Variants in RPS2 observed in about 807,000 individuals in gnomAD.
RPS2 encodes small ribosomal subunit protein uS5.
Under a neutral mutation model 25.3 loss-of-function variants are expected in RPS2, and 8 were observed. That is an observed-to-expected ratio of 0.32 (90% CI 0.19 to 0.57). The LOEUF is 0.57. Among genes scored for constraint, RPS2 ranks in the 20% least tolerant of loss-of-function variants. The pLI is 0.90. For synonymous variants in RPS2, 181 were observed against 161.3 expected (o/e 1.12, Z -0.92); for missense variants, 229 against 408.1 (o/e 0.56, Z 3.78).
At chr16:1,962,295 G>C (rs1228842447) in intron 6 of RPS2, 25 bp from the exon 7 acceptor site, 1 of 1,608,110 alleles carries the variant, frequency 6.2e-7, no homozygotes, top group Non-Finnish European at 8.5e-7. Flanking sequence ...AACCCCAGGA[G>C]GGTCAGTGGT....
At position 1,963,276 on chromosome 16, in the gene RPS2, T is replaced by C; in HGVS notation, c.268-20A>G. ...TGATTCCTGAAACAAACAAGAAAAT[T>C]GTAGGGAGAGCATTAAAAAAAAACT... is the stretch of plus-strand genomic sequence containing the variant. On this transcript the variant is annotated intron_variant, in intron 3 of 6. Coordinates refer to ENST00000343262, the MANE Select transcript of RPS2 (RefSeq NM_002952.4). The C allele has an allele frequency of 7.0e-7, 1 of 1,436,056 alleles. No homozygotes were observed. The highest frequency in any genetic ancestry group is 9.5e-7 in the Non-Finnish European group (1 of 1,055,594). 89.0% of individuals were successfully genotyped at this position (1,436,056 alleles called of 1,614,324 possible). A position where few individuals can be genotyped will look rare whatever the true frequency, so the allele number is the denominator to read the frequency against.
At chr16:1,962,382 G>C (rs557682002) in intron 6 of RPS2, 112 bp from the exon 7 acceptor site, 4 of 1,378,602 alleles carry the variant, frequency 2.9e-6, no homozygotes, top group Admixed American at 1.7e-5. Flanking sequence ...CGGGTCTGTC[G>C]TGCATTAGGA....
chr16:1,963,109 C>G (rs369673767), intron 4 of RPS2, 40 bp downstream of exon 4: 2 of 1,513,978 alleles, frequency 1.3e-6, no homozygotes, highest in Non-Finnish European at 9.2e-7. Flanking sequence ...GAGAGAGTCC[C>G]GGCAAGCCCA....
At chr16:1,963,298 AACTT>A in intron 3 of RPS2, 42 bp from the exon 4 acceptor site, 1 of 1,322,634 alleles carries the variant, frequency 7.6e-7, no homozygotes, top group Non-Finnish European at 1.0e-6. Context: ...ATTAAAAAAA[AACTT>A]AATACCATTA....
chr16:1,963,901 GC>G, intron 3 of RPS2: 1 of 411,898 alleles, frequency 2.4e-6, no homozygotes, highest in Non-Finnish European at 4.8e-6. Context: ...CCCGCTGGAT[GC>G]AGATGACAGC....
At position 1,963,659 on chromosome 16, in the gene RPS2, T is replaced by TC. The variant is rs146974237; in HGVS notation, c.268-404dup. 30 of 345,650 alleles carry TC rather than the reference T, an allele frequency of 8.7e-5. 1 individual carries two copies. Among genetic ancestry groups the TC allele is most frequent in the East Asian group, 2.3e-4 (3 of 12,862 alleles). The allele number at this position is 345,650 out of a possible 1,614,324, so 21.4% of individuals were successfully genotyped here. A position where few individuals can be genotyped will look rare whatever the true frequency, so the allele number is the denominator to read the frequency against. ...AAGTCATGAACCCCCTCACCTGGCT[T>TC]CCCCCCGATCTGTCCCCTTCGTTTC... On this transcript the variant is annotated intron_variant, in intron 3 of 6. Transcript: ENST00000343262.
intron 6 of RPS2, 104 bp downstream of exon 6, chr16:1,962,393 G>A (rs774301877): frequency 1.4e-6 from 2 of 1,386,940 alleles, no homozygotes; most frequent in Admixed American, 3.3e-5. Context: ...TGCATTAGGA[G>A]AGCCTTTCTC....
At chr16:1,964,420 G>T (rs575933855) in intron 2 of RPS2, 29 bp downstream of exon 2, 3 of 1,612,678 alleles carry the variant, frequency 1.9e-6, no homozygotes, top group East Asian at 2.2e-5. Flanking sequence ...CCGCCCAGGG[G>T]CCCGACCCCG....
Position 1,964,798 on chromosome 16 carries a change from A to G in RPS2, c.-4+9T>C, listed in dbSNP as rs570978665. ...GCAGAGGCCCGCTGCAGCGACCAAC[A>G]GGACTCACGTGTTTTGTCGGAAAAG... On this transcript the variant is annotated intron_variant, in intron 1 of 6. Coordinates refer to ENST00000343262, the MANE Select transcript of RPS2 (RefSeq NM_002952.4). 7.5e-3 allele frequency: 4,095 copies of G among 543,258 alleles called. 154 individuals are homozygous for G. Among genetic ancestry groups the G allele is most frequent in the African/African-American group, 0.075 (3,687 of 49,426 alleles). The allele number at this position is 543,258 out of a possible 1,614,324, so 33.7% of individuals were successfully genotyped here.
intron 3 of RPS2, chr16:1,963,954 A>G (rs2083282935): frequency 4.9e-6 from 2 of 408,798 alleles, no homozygotes; most frequent in South Asian, 2.1e-5. Flanking sequence ...TAACCCTTAC[A>G]GTGTCCTCCC....
In RPS2 at chr16:1,962,907, T is replaced by A. The variant is rs778514224; in HGVS notation, c.378A>T (p.Ala126=). ...CATTGTAGTCCCCGATAGCAACAAA[T>A]GCCTGCGAAAAGATGTGTGTGAGGC... The part of the protein sequence containing the change: ...TRAGQRTRFK[A]FVAIGDYNGH... The change falls in exon 5 of 7, where the codon GCA becomes GCT. Residue 126 remains alanine (A), a splice_region_variant and synonymous_variant. Coordinates refer to ENST00000343262, the MANE Select transcript of RPS2 (RefSeq NM_002952.4). The A allele has an allele frequency of 2.5e-6, 4 of 1,599,064 alleles. No individual in the cohort carries two copies. Among genetic ancestry groups the A allele is most frequent in the South Asian group, 2.2e-5 (2 of 91,036 alleles).
At chr16:1,963,764 T>C (rs770627702) in intron 3 of RPS2, 17 of 456,334 alleles carry the variant, frequency 3.7e-5, no homozygotes, top group Non-Finnish European at 7.5e-5. Context: ...TTCTCTTGTT[T>C]GGTGAGATGT....
rs766300897 is a variant in RPS2, at chr16:1,962,097, C to T, written c.*1G>A. On this transcript the variant is annotated 3_prime_UTR_variant, in exon 7 of 7. Coordinates refer to ENST00000343262, the MANE Select transcript of RPS2 (RefSeq NM_002952.4). ...CACTTTATTTTTCTTGTATAAAAAC[C>T]CTATGTTGTAGCCACAGCTGGAGCC... 6.4e-6 allele frequency: 10 copies of T among 1,552,620 alleles called. No homozygotes were observed. The highest frequency in any genetic ancestry group is 8.6e-6 in the Non-Finnish European group (10 of 1,156,848).
intron 6 of RPS2, 26 bp downstream of exon 6, chr16:1,962,471 C>T (rs1207378270): frequency 3.7e-6 from 6 of 1,603,874 alleles, no homozygotes; most frequent in Non-Finnish European, 5.1e-6. Context: ...GAGACCATGG[C>T]TATGCCCCAT....
intron 3 of RPS2, chr16:1,963,607 G>GCCCCCCCCCCCCCC (rs1206542724): frequency 1.2e-5 from 4 of 339,622 alleles, no homozygotes; most frequent in African/African-American, 2.3e-5. Flanking sequence ...CTGTGTAACC[G>GCCCCCCCCCCCCCC]CCCACCCCGC....
rs143347500 is a variant in RPS2 at position 1,962,676 on chromosome 16, G to A, written c.550-20C>T. On this transcript the variant is annotated intron_variant, in intron 5 of 6. Transcript: ENST00000343262. ...TGTCACCTGGTGAGGGAAGGAGTCA[G>A]GAGACGGGGGCCCGAGGGAGCCTGC... The A allele has an allele frequency of 4.5e-3, 7,222 of 1,587,640 alleles. 21 individuals carry two copies. The highest frequency in any genetic ancestry group is 8.1e-3 in the Middle Eastern group (38 of 4,706).
intron 1 of RPS2, 62 bp downstream of exon 1, chr16:1,964,745 C>A (rs2083291576): frequency 1.7e-6 from 1 of 585,782 alleles, no homozygotes; most frequent in Admixed American, 3.7e-5. Context: ...TAGACCCGAC[C>A]CGATGTCCGC....
intron 3 of RPS2, chr16:1,963,629 CGAA>C (rs200931882): frequency 0.14 from 46,583 of 333,406 alleles, 4,618 homozygotes; most frequent in South Asian, 0.26. Context: ...CAAAAAAAAC[CGAA>C]GAAGTCATGA....
chr16:1,964,511 C>T lies in RPS2; in HGVS notation c.115G>A (p.Gly39Ser). The change falls in exon 2 of 7, where the codon GGC (glycine) becomes AGC (serine). Residue 39 changes from glycine to serine, a missense_variant. Coordinates refer to ENST00000343262, the MANE Select transcript of RPS2 (RefSeq NM_002952.4). ...FGSGIRGRGR[G>S]RGRGRGRGRG... is the part of the protein sequence containing the mutation. The stretch of plus-strand genomic sequence containing the variant: ...CCTCGGCCCCGGCCCCGTCCACGGC[C>T]GCGACCCCGGCCCCGGATGCCACTG... 1 of 1,598,564 alleles carries T rather than the reference C, an allele frequency of 6.3e-7. No homozygotes were observed. The highest frequency in any genetic ancestry group is 2.2e-4 in the Middle Eastern group (1 of 4,634).
Sources: gnomAD v4.1 joint callset for allele counts on GRCh38, gnomAD v4.1.1 for gene constraint, MANE v1.5 for transcripts, NCBI Gene and HGNC (gene_info 2026-07-23, HGNC 2026-07-21) for gene names.